BLM: variants seen among roughly 807,000 people sequenced by gnomAD.
The protein encoded by BLM is BLM RecQ like helicase.
Under a neutral mutation model 135.3 loss-of-function variants are expected in BLM, and 95 were observed. That is an observed-to-expected ratio of 0.70 (90% CI 0.59 to 0.83). The LOEUF is 0.83. BLM is among the 40% of genes least tolerant of loss of function. The probability of loss-of-function intolerance (pLI) is 0.00; values close to 1 mark genes in which losing one functional copy is unlikely to be tolerated. For missense variants in BLM, 1,518 were observed against 1,663.9 expected, an observed-to-expected ratio of 0.91 and a Z score of 1.53; for synonymous variants, 520 against 589.2, an observed-to-expected ratio of 0.88 and a Z score of 1.70.
intron 19 of BLM, among the ~76,000 whole-genome samples, chr15:90,807,813 G>A (rs1406863306): frequency 6.6e-6 from 1 of 152,190 alleles, no homozygotes. Flanking sequence ...TTGAAGACAT[G>A]TCATGGCAGT....
chr15:90,756,603 G>T (rs756641844), intron 5 of BLM, among the ~76,000 whole-genome samples: 12 of 152,174 alleles, frequency 7.9e-5, no homozygotes, highest in Non-Finnish European at 1.8e-4. Flanking sequence ...AAAATGGTTA[G>T]CTAGAACAGG....
Position 90,803,630 on chromosome 15 carries a change from T to C in BLM, c.3468T>C (p.Asp1156=), listed in dbSNP as rs1325465971. The part of the protein sequence containing the change: ...FKKLILDKIL[D]EDLYINANDQ... The stretch of plus-strand genomic sequence containing the variant: ...AGCTGATACTTGACAAGATTTTGGA[T>C]GAAGACTTATATATCAATGCCAATG... Residue 1156 remains aspartate, a synonymous_variant, in exon 18 of 22, where the codon GAT becomes GAC. Coordinates refer to ENST00000355112, the MANE Select transcript of BLM (RefSeq NM_000057.4). The C allele has an allele frequency of 6.2e-7, 1 of 1,614,072 alleles. No individual in the cohort carries two copies. Among genetic ancestry groups the C allele is most frequent in the Non-Finnish European group, 8.5e-7 (1 of 1,180,016 alleles).
chr15:90,765,850 T>C (rs62025114), intron 9 of BLM, among the ~76,000 whole-genome samples: 2,115 of 152,336 alleles, frequency 0.014, 29 homozygotes, highest in Admixed American at 0.023. Context: ...TGGTGGCTCA[T>C]GCCTGTAATC....
At chr15:90,725,903 A>G (rs2067974725) in intron 1 of BLM, among the ~76,000 whole-genome samples, 1 of 152,058 alleles carries the variant, frequency 6.6e-6, no homozygotes, top group Non-Finnish European at 1.5e-5. Flanking sequence ...ATTTTTATAT[A>G]TACGTACATA....
intron 1 of BLM, among the ~76,000 whole-genome samples, chr15:90,723,559 A>G (rs1894826093): frequency 6.6e-6 from 1 of 152,102 alleles, no homozygotes; most frequent in South Asian, 2.1e-4. Context: ...AGGCTGAGGC[A>G]GGAGGATCAC....
rs758132052 is a variant in BLM at position 90,760,236 on chromosome 15, CTT to C, written c.1180_1181del (p.Leu394GlyfsTer23). 1.2e-6 allele frequency: 2 copies of C among 1,613,894 alleles called. No individual in the cohort carries two copies. The highest frequency in any genetic ancestry group is 1.7e-6 in the Non-Finnish European group (2 of 1,179,996). ...IDTIPDDKLK[L>X]LDCGNELLQQ... ...TACTATTCCTGATGATAAACTGAAACTTTTGGATTGTGGGAACGAACTGCTTC... is the reference window on the plus strand; with the variant it reads ...TACTATTCCTGATGATAAACTGAAACTTGGATTGTGGGAACGAACTGCTTC... On this transcript the variant is annotated frameshift_variant, in exon 6 of 22. Transcript: ENST00000355112. LOFTEE classifies it high-confidence loss of function.
chr15:90,772,068 G>A (rs1408400170), intron 12 of BLM, among the ~76,000 whole-genome samples: 1 of 152,160 alleles, frequency 6.6e-6, no homozygotes, highest in Non-Finnish European at 1.5e-5. Flanking sequence ...CATGTCTGTT[G>A]ACTCCTTAAT....
intron 17 of BLM, among the ~76,000 whole-genome samples, chr15:90,801,020 G>A (rs1897153048): frequency 6.6e-6 from 1 of 151,842 alleles, no homozygotes; most frequent in Non-Finnish European, 1.5e-5. Flanking sequence ...CTGATGTTGT[G>A]CACCTGTAAT....
Position 90,815,041 on chromosome 15 carries a change from G to GAA in BLM, c.4077-61_4077-60insAA, listed in dbSNP as rs2151202160. On this transcript the variant is annotated intron_variant, in intron 21 of 21. Transcript: ENST00000355112. This position sits in a 1 kb window ranked among gnomAD's most constrained non-coding sequence, Gnocchi z 4.6. ...TATTGTAGCTCTGTGCAGGTTGAGA[G>GAA]GAAGGTCATTCATTTTTGGTTTCAT... The GAA allele has an allele frequency of 6.5e-7, 1 of 1,535,810 alleles. No homozygotes were observed. The highest frequency in any genetic ancestry group is 8.9e-7 in the Non-Finnish European group (1 of 1,117,590).
chr15:90,760,810 C>T lies in BLM; in HGVS notation c.1437C>T (p.Phe479=). The T allele has an allele frequency of 1.2e-6, 2 of 1,613,956 alleles. No homozygotes were observed. The highest frequency in any genetic ancestry group is 1.6e-4 in the Middle Eastern group (1 of 6,084). The change falls in exon 7 of 22, where the codon TTC becomes TTT. Residue 479 remains phenylalanine, a synonymous_variant. Transcript: ENST00000355112. ...LLTTTLGKTG[F]SATRKNLFER... ...CTACCACCCTAGGAAAGACAGGATTCTCTGCCACCAGGAAGAATCTTTTTG... is the reference window on the plus strand; with the variant it reads ...CTACCACCCTAGGAAAGACAGGATTTTCTGCCACCAGGAAGAATCTTTTTG...
At chr15:90,723,331 T>C (rs1356733300) in intron 1 of BLM, among the ~76,000 whole-genome samples, 4 of 151,662 alleles carry the variant, frequency 2.6e-5, no homozygotes, top group Admixed American at 1.3e-4. Flanking sequence ...GTTGTAGATA[T>C]AGTTTTTCTT....
At chr15:90,717,870 G>C (rs997988808) in intron 1 of BLM, among the ~76,000 whole-genome samples, 2 of 152,222 alleles carry the variant, frequency 1.3e-5, no homozygotes, top group African/African-American at 4.8e-5. Context: ...GGCTACTCTT[G>C]TTTTTGAGTG....
Position 90,769,245 on chromosome 15 carries a change from T to G in BLM, c.2406+14T>G, listed in dbSNP as rs751600866. On this transcript the variant is annotated intron_variant, in intron 11 of 21. Coordinates refer to ENST00000355112, the MANE Select transcript of BLM (RefSeq NM_000057.4). Reference sequence around the variant, plus strand: ...TGTGTCAGTCAGGTAAATACTGTTTTTTATATCCGGAAATACCGATAAATA... The same window carrying G: ...TGTGTCAGTCAGGTAAATACTGTTTGTTATATCCGGAAATACCGATAAATA... The G allele has an allele frequency of 6.3e-7, 1 of 1,592,766 alleles. No individual in the cohort carries two copies. Among genetic ancestry groups the G allele is most frequent in the Non-Finnish European group, 8.6e-7 (1 of 1,160,588 alleles).
At position 90,769,441 on chromosome 15, in the gene BLM, G is replaced by T. The variant is rs1412341951; in HGVS notation, c.2410G>T (p.Gly804Ter). ...IDEAHCVSQW[G>*]HDFRQDYKRM... ...CAGTATTTTTTTTTCCAACTAGTGG[G>T]GACATGATTTTCGTCAAGATTACAA... is the stretch of plus-strand genomic sequence containing the variant. Residue 804 changes from glycine to a stop codon, truncating the protein, a stop_gained, in exon 12 of 22, where the codon GGA (glycine) becomes TGA (stop). Coordinates refer to ENST00000355112, the MANE Select transcript of BLM (RefSeq NM_000057.4). LOFTEE classifies it high-confidence loss of function. 1 of 1,614,100 alleles carries T rather than the reference G, an allele frequency of 6.2e-7. No homozygotes were observed. Among genetic ancestry groups the T allele is most frequent in the East Asian group, 2.2e-5 (1 of 44,888 alleles).
intron 8 of BLM, 56 bp from the exon 9 acceptor site, chr15:90,765,240 A>G: frequency 7.4e-7 from 1 of 1,353,728 alleles, no homozygotes; most frequent in Non-Finnish European, 1.1e-6. Context: ...TGTAACTTTT[A>G]CATTCATGCT....
intron 12 of BLM, among the ~76,000 whole-genome samples, chr15:90,770,692 T>C (rs1896289761): frequency 6.6e-6 from 1 of 152,240 alleles, no homozygotes; most frequent in South Asian, 2.1e-4. Context: ...GAGTAATGAC[T>C]GAATTGGATA....
chr15:90,812,222 C>T (rs1229435862), intron 21 of BLM, among the ~76,000 whole-genome samples: 1 of 152,186 alleles, frequency 6.6e-6, no homozygotes, highest in Non-Finnish European at 1.5e-5. Flanking sequence ...CTTTCATTAA[C>T]ACCTGGGAGA....
intron 13 of BLM, among the ~76,000 whole-genome samples, chr15:90,783,717 C>T (rs368809073): frequency 9.2e-5 from 14 of 152,170 alleles, no homozygotes; most frequent in Admixed American, 2.0e-4. Context: ...CTGGCCAAAA[C>T]GGTGAAACCC....
At chr15:90,735,236 A>AAT (rs60589046) in intron 1 of BLM, among the ~76,000 whole-genome samples, 10,764 of 107,594 alleles carry the variant, frequency 0.1, 560 homozygotes, top group Middle Eastern at 0.12. Context: ...TGCCTAAGTT[A>AAT]ATATATATAT....
Sources: gnomAD v4.1 joint callset for allele counts (sites outside exome capture counted in the v4.1 genomes callset) on GRCh38, gnomAD v4.1.1 for gene constraint, Gnocchi (gnomAD v3.1) non-coding constraint, MANE v1.5 for transcripts, NCBI Gene and HGNC (gene_info 2026-07-23, HGNC 2026-07-21) for gene names.